GPC5: variants seen among roughly 807,000 people sequenced by gnomAD.
GPC5 encodes glypican 5.
In GPC5, 47 loss-of-function variants were observed where a neutral mutation model predicts 53.9. The ratio of observed to expected loss-of-function variants is 0.87; its 90% CI spans 0.69 to 1.11. The LOEUF (loss-of-function observed/expected upper bound fraction) is 1.11. Ranked by LOEUF, GPC5 falls within the 50% of genes most tolerant of loss-of-function variation. The pLI is 0.00. For missense variants in GPC5, 748 were observed against 713.1 expected (o/e 1.05, Z -0.56); for synonymous variants, 286 against 263.3 (o/e 1.09, Z -0.84).
intron 6 of GPC5, among the ~76,000 whole-genome samples, chr13:92,070,992 C>A (rs1279238397): frequency 6.6e-6 from 1 of 152,102 alleles, no homozygotes; most frequent in Non-Finnish European, 1.5e-5. Context: ...AATCCCAGCA[C>A]TTTGGGAGGC....
intron 7 of GPC5, among the ~76,000 whole-genome samples, chr13:92,462,724 T>TC (rs1397980668): frequency 6.6e-6 from 1 of 151,192 alleles, no homozygotes; most frequent in Non-Finnish European, 1.5e-5. Flanking sequence ...ATGTCTTTTT[T>TC]TTTTTTTTTC....
chr13:92,461,362 G>T lies in GPC5; in HGVS notation c.1561+316373G>T, dbSNP rs571772256. On this transcript the variant is annotated intron_variant, in intron 7 of 7. Coordinates refer to ENST00000377067, the MANE Select transcript of GPC5 (RefSeq NM_004466.6). ...GTTCCTGCTCTCATGGAGCTTTTGT[G>T]TAGCTGAGGAAGATAAGGAACACAC... is the stretch of plus-strand genomic sequence containing the variant. 2.6e-5 allele frequency among the ~76,000 whole-genome samples: 4 copies of T among 152,294 alleles called. No homozygotes were observed. The South Asian group carries it at 8.3e-4, about 32-fold the overall frequency.
At chr13:92,710,369 A>G (rs538630344) in intron 7 of GPC5, among the ~76,000 whole-genome samples, 13 of 152,344 alleles carry the variant, frequency 8.5e-5, no homozygotes, top group African/African-American at 3.1e-4. Context: ...ACAGAGAAGA[A>G]GAGTAATTTA....
chr13:92,471,909 GGT>G (rs1878928856), intron 7 of GPC5, among the ~76,000 whole-genome samples: 1 of 152,068 alleles, frequency 6.6e-6, no homozygotes, highest in Non-Finnish European at 1.5e-5. Flanking sequence ...CACAATAGGT[GGT>G]TCTGTTTTTA....
Position 92,297,391 on chromosome 13 carries a change from C to G in GPC5, c.1561+152402C>G, listed in dbSNP as rs574620704. The stretch of plus-strand genomic sequence containing the variant: ...GCTCAAGGTTTGTGAGTGCACCAAT[C>G]GACACTCTGTATCCAGCTGCTCTGG... On this transcript the variant is annotated intron_variant, in intron 7 of 7. Coordinates refer to ENST00000377067, the MANE Select transcript of GPC5 (RefSeq NM_004466.6). Among the ~76,000 whole-genome samples the G allele has an allele frequency of 9.2e-5, 13 of 141,184 alleles. No homozygotes were observed. The South Asian group carries it at 1.0e-3, about 11-fold the overall frequency. 92.6% of individuals were successfully genotyped at this position (141,184 alleles called of 152,430 possible). A position where few individuals can be genotyped will look rare whatever the true frequency, so the allele number is the denominator to read the frequency against.
At chr13:92,193,654 A>G (rs2042238599) in intron 7 of GPC5, among the ~76,000 whole-genome samples, 1 of 152,246 alleles carries the variant, frequency 6.6e-6, no homozygotes, top group Non-Finnish European at 1.5e-5. Context: ...CGACAGTTAT[A>G]TTCACTCCTA....
At chr13:92,836,658 C>T (rs984780067) in intron 7 of GPC5, among the ~76,000 whole-genome samples, 1 of 151,904 alleles carries the variant, frequency 6.6e-6, no homozygotes, top group African/African-American at 2.4e-5. Flanking sequence ...TTTTTGCATA[C>T]AATTATTAAA....
At chr13:92,166,921 G>GTCTCTCTCTCTCTCTCTCTC (rs35310453) in intron 7 of GPC5, among the ~76,000 whole-genome samples, 1 of 128,428 alleles carries the variant, frequency 7.8e-6, no homozygotes, top group African/African-American at 3.1e-5. Flanking sequence ...ATAAGTCTCA[G>GTCTCTCTCTCTCTCTCTCTC]TCTCTCTCTC....
intron 1 of GPC5, among the ~76,000 whole-genome samples, chr13:91,439,620 G>A (rs926560983): frequency 6.6e-6 from 1 of 152,004 alleles, no homozygotes; most frequent in Admixed American, 6.6e-5. Flanking sequence ...CCTGATGCTT[G>A]TGTATTCTCC....
At chr13:92,607,164 A>G (rs1285604467) in intron 7 of GPC5, among the ~76,000 whole-genome samples, 1 of 152,178 alleles carries the variant, frequency 6.6e-6, no homozygotes, top group East Asian at 1.9e-4. Flanking sequence ...CCACAAATCT[A>G]ATAAGATTTG....
chr13:92,753,522 A>G (rs1005201180), intron 7 of GPC5, among the ~76,000 whole-genome samples: 4 of 152,208 alleles, frequency 2.6e-5, no homozygotes. Flanking sequence ...TCAGACGATC[A>G]AATTACTCTG....
intron 6 of GPC5, among the ~76,000 whole-genome samples, chr13:91,975,240 C>T (rs2040287629): frequency 2.0e-5 from 3 of 152,006 alleles, no homozygotes; most frequent in Non-Finnish European, 2.9e-5. Flanking sequence ...ACACCAAAAG[C>T]AATGGCAACA....
chr13:91,723,460 G>A (rs1469081046), intron 3 of GPC5, among the ~76,000 whole-genome samples: 14 of 115,054 alleles, frequency 1.2e-4, no homozygotes, highest in African/African-American at 4.5e-4. Flanking sequence ...CTCAAAATGA[G>A]AATTAATCTC....
chr13:92,439,179 G>A (rs1877445680), intron 7 of GPC5, among the ~76,000 whole-genome samples: 1 of 152,118 alleles, frequency 6.6e-6, no homozygotes, highest in Non-Finnish European at 1.5e-5. Flanking sequence ...GAAAAGAAGT[G>A]CATAAAGGAT....
chr13:91,434,536 G>GC, intron 1 of GPC5, among the ~76,000 whole-genome samples: 1 of 151,810 alleles, frequency 6.6e-6, no homozygotes, highest in South Asian at 2.1e-4. Flanking sequence ...ATTTCTGAGG[G>GC]CTCTGTTCTG....
intron 6 of GPC5, among the ~76,000 whole-genome samples, chr13:92,002,750 A>G (rs1333894664): frequency 6.6e-6 from 1 of 152,232 alleles, no homozygotes; most frequent in African/African-American, 2.4e-5. Context: ...AGGAATGACC[A>G]AATCAGACAA....
intron 7 of GPC5, among the ~76,000 whole-genome samples, chr13:92,178,629 T>A (rs73622790): frequency 0.033 from 5,090 of 152,176 alleles, 298 homozygotes; most frequent in African/African-American, 0.12. Context: ...CTATTTTGCA[T>A]CTTTTGAGTC....
intron 7 of GPC5, among the ~76,000 whole-genome samples, chr13:92,514,589 T>C (rs1373308501): frequency 6.6e-6 from 1 of 152,180 alleles, no homozygotes; most frequent in Non-Finnish European, 1.5e-5. Flanking sequence ...GGCAAATACA[T>C]GCTCCAGATG....
intron 1 of GPC5, among the ~76,000 whole-genome samples, chr13:91,408,637 T>C (rs1197075169): frequency 6.6e-6 from 1 of 152,198 alleles, no homozygotes; most frequent in African/African-American, 2.4e-5. Flanking sequence ...ACCTGCATAA[T>C]TAGATATGGT....
Sources: gnomAD v4.1 joint callset for allele counts (sites outside exome capture counted in the v4.1 genomes callset) on GRCh38, gnomAD v4.1.1 for gene constraint, MANE v1.5 for transcripts, NCBI Gene and HGNC (gene_info 2026-07-23, HGNC 2026-07-21) for gene names.